The following TSHZ2 variants were observed in gnomAD, a reference collection of about 807,000 sequenced individuals.
TSHZ2 encodes teashirt homolog 2.
A neutral mutation model predicts 74.4 loss-of-function variants in TSHZ2; 21 were observed. The observed-to-expected ratio is 0.28, with a 90% CI of 0.20 to 0.41. The LOEUF is 0.41. TSHZ2 is among the 10% of genes least tolerant of loss of function. The probability of loss-of-function intolerance (pLI) is 1.00; values close to 1 mark genes in which losing one functional copy is unlikely to be tolerated. For synonymous variants in TSHZ2, 540 were observed against 515.3 expected (o/e 1.05, Z -0.65); for missense variants, 1,244 against 1,293.5 (o/e 0.96, Z 0.59).
chr20:53,160,938 TA>T (rs1296440606), intron 1 of TSHZ2, among the ~76,000 whole-genome samples: 1 of 151,830 alleles, frequency 6.6e-6, no homozygotes, highest in Non-Finnish European at 1.5e-5. Context: ...AAATTTCCAC[TA>T]ATCTATTAAT....
At chr20:53,346,690 C>T (rs1381249960) in intron 2 of TSHZ2, among the ~76,000 whole-genome samples, 2 of 152,126 alleles carry the variant, frequency 1.3e-5, no homozygotes, top group Non-Finnish European at 2.9e-5. Flanking sequence ...GGAGAAAGCA[C>T]GAAGAGGTGG....
At chr20:53,107,618 GA>G (rs1410404346) in intron 1 of TSHZ2, among the ~76,000 whole-genome samples, 1 of 152,210 alleles carries the variant, frequency 6.6e-6, no homozygotes, top group Non-Finnish European at 1.5e-5. Flanking sequence ...TCTGAAATAT[GA>G]GCAGCCTGAA....
chr20:53,372,077 G>A (rs1981494531), intron 2 of TSHZ2, among the ~76,000 whole-genome samples: 2 of 152,054 alleles, frequency 1.3e-5, no homozygotes, highest in Admixed American at 6.6e-5. Flanking sequence ...CACCCTAATT[G>A]AGTCTGACCT....
chr20:53,206,165 G>A (rs1989163565), intron 1 of TSHZ2, among the ~76,000 whole-genome samples: 1 of 152,202 alleles, frequency 6.6e-6, no homozygotes, highest in Non-Finnish European at 1.5e-5. Flanking sequence ...GTTGCAGTGA[G>A]CCAACATTGC....
chr20:53,235,275 C>T (rs1376294465), intron 1 of TSHZ2, among the ~76,000 whole-genome samples: 1 of 152,074 alleles, frequency 6.6e-6, no homozygotes, highest in Admixed American at 6.6e-5. Context: ...TCAAGTGATC[C>T]TCCCACCTCA....
At chr20:53,192,827 A>C (rs1457811880) in intron 1 of TSHZ2, among the ~76,000 whole-genome samples, 1 of 152,194 alleles carries the variant, frequency 6.6e-6, no homozygotes, top group Non-Finnish European at 1.5e-5. Flanking sequence ...CAATTTTTCC[A>C]AACTTTTCAT....
chr20:53,394,613 T>G (rs149864491), intron 2 of TSHZ2, among the ~76,000 whole-genome samples: 1 of 152,196 alleles, frequency 6.6e-6, no homozygotes, highest in East Asian at 1.9e-4. Context: ...GCCTGCCTTT[T>G]CCCACTTGCT....
intron 2 of TSHZ2, among the ~76,000 whole-genome samples, chr20:53,414,227 A>T (rs1983155118): frequency 6.6e-6 from 1 of 152,220 alleles, no homozygotes; most frequent in Non-Finnish European, 1.5e-5. Flanking sequence ...ATCAGAAATG[A>T]GCCCTCGGGT....
At chr20:53,476,773 C>T (rs1986004445) in intron 2 of TSHZ2, among the ~76,000 whole-genome samples, 2 of 147,370 alleles carry the variant, frequency 1.4e-5, no homozygotes, top group African/African-American at 5.1e-5. Flanking sequence ...ATTGTCTCAC[C>T]CCAAAATCTC....
At chr20:53,320,208 C>T (rs1979200942) in intron 2 of TSHZ2, among the ~76,000 whole-genome samples, 2 of 152,194 alleles carry the variant, frequency 1.3e-5, no homozygotes, top group Admixed American at 1.3e-4. Context: ...CTCATTCACT[C>T]ATCATAGTGG....
chr20:53,185,153 A>C, intron 1 of TSHZ2: 16 of 963,670 alleles, frequency 1.7e-5, no homozygotes, highest in Non-Finnish European at 1.9e-5. Flanking sequence ...GAATTATAGA[A>C]GAGATTGAGC....
intron 2 of TSHZ2, among the ~76,000 whole-genome samples, chr20:53,435,990 G>C (rs1310447370): frequency 2.0e-5 from 3 of 152,224 alleles, no homozygotes; most frequent in African/African-American, 7.2e-5. Flanking sequence ...GAAAAGCACT[G>C]AGCACAGTGC....
intron 1 of TSHZ2, among the ~76,000 whole-genome samples, chr20:53,078,504 A>G (rs114203605): frequency 0.01 from 1,538 of 152,290 alleles, 20 homozygotes; most frequent in African/African-American, 0.034. Context: ...TCATGTTAAC[A>G]CTTTTCGATG....
chr20:53,012,634 C>T (rs1982893724), intron 1 of TSHZ2, among the ~76,000 whole-genome samples: 1 of 152,010 alleles, frequency 6.6e-6, no homozygotes, highest in African/African-American at 2.4e-5. Context: ...CTTCAACAGG[C>T]CCCCTTTACA....
intron 2 of TSHZ2, among the ~76,000 whole-genome samples, chr20:53,440,047 T>C (rs1458771354): frequency 6.6e-6 from 1 of 152,102 alleles, no homozygotes; most frequent in Non-Finnish European, 1.5e-5. Flanking sequence ...GGGATGCCAT[T>C]ACATGAAATA....
chr20:53,400,705 T>G (rs964386744), intron 2 of TSHZ2, among the ~76,000 whole-genome samples: 4 of 152,120 alleles, frequency 2.6e-5, no homozygotes, highest in African/African-American at 9.7e-5. Flanking sequence ...TAATGAATAC[T>G]CTCAGCTGGG....
chr20:53,126,469 G>A (rs1386848172), intron 1 of TSHZ2, among the ~76,000 whole-genome samples: 1 of 152,140 alleles, frequency 6.6e-6, no homozygotes, highest in East Asian at 1.9e-4. Context: ...GTAGGTTTGG[G>A]GAGAAATATA....
At chr20:53,042,777 G>C (rs757543600) in intron 1 of TSHZ2, among the ~76,000 whole-genome samples, 14 of 151,666 alleles carry the variant, frequency 9.2e-5, no homozygotes, top group Non-Finnish European at 1.9e-4. Context: ...TGGGGATTTA[G>C]TGGAAAATTT....
intron 1 of TSHZ2, among the ~76,000 whole-genome samples, chr20:53,204,501 T>C (rs1411707767): frequency 1.3e-5 from 2 of 151,970 alleles, no homozygotes; most frequent in African/African-American, 4.8e-5. Flanking sequence ...ATTTCACTTA[T>C]TTCTTTCTCA....
Sources: gnomAD v4.1 joint callset for allele counts (sites outside exome capture counted in the v4.1 genomes callset) on GRCh38, gnomAD v4.1.1 for gene constraint, MANE v1.5 for transcripts, NCBI Gene and HGNC (gene_info 2026-07-23, HGNC 2026-07-21) for gene names.